Variants in FEM1A observed in about 807,000 individuals in gnomAD.
FEM1A encodes fem-1 homolog A, also known as protein fem-1 homolog A.
Under a neutral mutation model 0.7 loss-of-function variants are expected in FEM1A, and 1 was observed. The ratio of observed to expected loss-of-function variants is 1.35; its 90% CI spans 0.48 to 6.40. The LOEUF (loss-of-function observed/expected upper bound fraction) is 6.40. Among genes scored for constraint, FEM1A ranks in the 30% most tolerant of loss-of-function variants. FEM1A has a pLI of 0.14. For synonymous variants in FEM1A, 391 were observed against 420.6 expected (o/e 0.93, Z 0.86); for missense variants, 721 against 918.7 (o/e 0.78, Z 2.78).
rs894500643 is a variant in FEM1A, at chr19:4,796,239, T to C, written c.*2375T>C. The stretch of plus-strand genomic sequence containing the variant: ...TGGAGTCTTGCTCTGTCACCCAGGC[T>C]GGAGTGCAGTGACGCCATCTCGGCT... On this transcript the variant is annotated 3_prime_UTR_variant, in exon 1 of 1. Coordinates refer to ENST00000269856, the MANE Select transcript of FEM1A (RefSeq NM_018708.3). The C allele has an allele frequency of 2.7e-5, 4 of 149,240 alleles. No individual in the cohort carries two copies. Among genetic ancestry groups the C allele is most frequent in the African/African-American group, 1.0e-4 (4 of 39,874 alleles). The allele number at this position is 149,240 out of a possible 1,614,324, so 9.2% of individuals were successfully genotyped here.
chr19:4,792,349 C>A lies in FEM1A; in HGVS notation c.495C>A (p.Ile165=). The part of the protein sequence containing the change: ...MISCYKGHRE[I]ARYLLEQGAQ... ...CGTGCTACAAGGGCCACCGTGAGAT[C>A]GCCCGCTACCTGCTGGAGCAGGGCG... Residue 165 remains isoleucine (I), a synonymous_variant, in exon 1 of 1, where the codon ATC becomes ATA. Coordinates refer to ENST00000269856, the MANE Select transcript of FEM1A (RefSeq NM_018708.3). This position sits in a 1 kb window ranked among gnomAD's most constrained non-coding sequence, Gnocchi z 6.7. 1 of 1,594,622 alleles carries A rather than the reference C, an allele frequency of 6.3e-7. No homozygotes were observed. Among genetic ancestry groups the A allele is most frequent in the South Asian group, 1.1e-5 (1 of 90,864 alleles).
Position 4,800,856 on chromosome 19 carries a change from G to C in FEM1A, c.*6992G>C, listed in dbSNP as rs766270575. On this transcript the variant is annotated 3_prime_UTR_variant, in exon 1 of 1. Coordinates refer to ENST00000269856, the MANE Select transcript of FEM1A (RefSeq NM_018708.3). ...ATGACCCACCAGGGACATTGAATCC[G>C]TGTCCCGAGAGGGGTGGGGCGGGGG... 6.6e-6 allele frequency: 1 copy of C among 152,190 alleles called. No homozygotes were observed. The highest frequency in any genetic ancestry group is 1.5e-5 in the Non-Finnish European group (1 of 68,050). The allele number at this position is 152,190 out of a possible 1,614,324, so 9.4% of individuals were successfully genotyped here. A position where few individuals can be genotyped will look rare whatever the true frequency, so the allele number is the denominator to read the frequency against.
Position 4,792,612 on chromosome 19 carries a change from T to A in FEM1A, c.758T>A (p.Leu253Gln). 4 of 1,611,346 alleles carry A rather than the reference T, an allele frequency of 2.5e-6. No homozygotes were observed. The highest frequency in any genetic ancestry group is 3.4e-6 in the Non-Finnish European group (4 of 1,179,702). ...GCAGGGGGAGAGGCTCAGCCTGGGC[T>A]GCCCCAAGAAGACCCCTCCACCAGC... is the stretch of plus-strand genomic sequence containing the variant. ...QVAGGEAQPG[L>Q]PQEDPSTSQG... is the part of the protein sequence containing the mutation. The change falls in exon 1 of 1, where the codon CTG (leucine) becomes CAG (glutamine). Residue 253 changes from leucine (L) to glutamine (Q), a missense_variant. Transcript: ENST00000269856. The surrounding 1 kb of genome is among the most constrained non-coding windows in gnomAD (Gnocchi z 6.7).
rs1429642004 is a variant in FEM1A, at chr19:4,800,328, C to T, written c.*6464C>T. ...CAGCCCGGAAGCATCGGGGTCAAAGCTTAACCCCCTGCTGGAAGGTGTCGA... is the reference window on the plus strand; with the variant it reads ...CAGCCCGGAAGCATCGGGGTCAAAGTTTAACCCCCTGCTGGAAGGTGTCGA... On this transcript the variant is annotated 3_prime_UTR_variant, in exon 1 of 1. Coordinates refer to ENST00000269856, the MANE Select transcript of FEM1A (RefSeq NM_018708.3). The T allele has an allele frequency of 6.6e-6, 1 of 152,246 alleles. No individual in the cohort carries two copies. The highest frequency in any genetic ancestry group is 1.5e-5 in the Non-Finnish European group (1 of 68,102). The allele number at this position is 152,246 out of a possible 1,614,324, so 9.4% of individuals were successfully genotyped here. A position where few individuals can be genotyped will look rare whatever the true frequency, so the allele number is the denominator to read the frequency against.
In FEM1A at chr19:4,792,775, G is replaced by A; in HGVS notation, c.921G>A (p.Thr307=). 2 of 1,612,172 alleles carry A rather than the reference G, an allele frequency of 1.2e-6. No individual in the cohort carries two copies. Among genetic ancestry groups the A allele is most frequent in the Non-Finnish European group, 1.7e-6 (2 of 1,179,978 alleles). ...AVEALELLGA[T]YVDKKRDLLG... The stretch of plus-strand genomic sequence containing the variant: ...AAGCCTTGGAATTGCTGGGAGCTAC[G>A]TATGTGGATAAGAAACGAGATCTGC... The change falls in exon 1 of 1, where the codon ACG becomes ACA. Residue 307 remains threonine (T), a synonymous_variant. Transcript: ENST00000269856. The surrounding 1 kb of genome is among the most constrained non-coding windows in gnomAD (Gnocchi z 6.7).
chr19:4,794,451 A>G lies in FEM1A; in HGVS notation c.*587A>G, dbSNP rs909804506. On this transcript the variant is annotated 3_prime_UTR_variant, in exon 1 of 1. Coordinates refer to ENST00000269856, the MANE Select transcript of FEM1A (RefSeq NM_018708.3). ...CTGCCCAGGGCAGCCTGCCACTTGC[A>G]TAGCTTTCGGTTGGTTTGGTGTTCT... 6.0e-6 allele frequency: 1 copy of G among 167,588 alleles called. No individual in the cohort carries two copies. Among genetic ancestry groups the G allele is most frequent in the African/African-American group, 2.4e-5 (1 of 41,418 alleles). 10.4% of individuals were successfully genotyped at this position (167,588 alleles called of 1,614,324 possible).
In FEM1A at chr19:4,792,876, C is replaced by T; in HGVS notation, c.1022C>T (p.Pro341Leu). The change falls in exon 1 of 1, where the codon CCC (proline) becomes CTC (leucine). Residue 341 changes from proline to leucine, a missense_variant. This residue lies in a region of FEM1A where 379 missense variants were observed against 454.8 expected (regional missense o/e 0.83). Transcript: ENST00000269856. This position sits in a 1 kb window ranked among gnomAD's most constrained non-coding sequence, Gnocchi z 6.7. Reference protein sequence around the residue: ...QGGEYLPKPEPPQLVLAYDYS... With the variant: ...QGGEYLPKPELPQLVLAYDYS... ...GGCGAGTACCTGCCCAAACCGGAGC[C>T]CCCACAGCTGGTCCTGGCCTATGAC... 6.2e-7 allele frequency: 1 copy of T among 1,612,302 alleles called. No homozygotes were observed. Among genetic ancestry groups the T allele is most frequent in the Non-Finnish European group, 8.5e-7 (1 of 1,180,004 alleles).
At position 4,797,381 on chromosome 19, in the gene FEM1A, T is replaced by A. The variant is rs1255376090; in HGVS notation, c.*3517T>A. ...TTTCACCGTGTTAGGATAGTCTTGA[T>A]CTCCTGACCTCATGATCCGCCCACC... On this transcript the variant is annotated 3_prime_UTR_variant, in exon 1 of 1. Coordinates refer to ENST00000269856, the MANE Select transcript of FEM1A (RefSeq NM_018708.3). 1 of 151,638 alleles carries A rather than the reference T, an allele frequency of 6.6e-6. No homozygotes were observed. The allele number at this position is 151,638 out of a possible 1,614,324, so 9.4% of individuals were successfully genotyped here. A position where few individuals can be genotyped will look rare whatever the true frequency, so the allele number is the denominator to read the frequency against.
rs185788401 is a variant in FEM1A at position 4,794,506 on chromosome 19, C to T, written c.*642C>T. On this transcript the variant is annotated 3_prime_UTR_variant, in exon 1 of 1. Coordinates refer to ENST00000269856, the MANE Select transcript of FEM1A (RefSeq NM_018708.3). ...ATTTAATAAGTGGGCAGGTTGCAAG[C>T]GTTGCACAGAAATTCTGAGATTTTA... 532 of 164,972 alleles carry T rather than the reference C, an allele frequency of 3.2e-3. 7 individuals carry two copies. Among genetic ancestry groups the T allele is most frequent in the Non-Finnish European group, 6.8e-4 (46 of 67,874 alleles). 10.2% of individuals were successfully genotyped at this position (164,972 alleles called of 1,614,324 possible).
chr19:4,798,172 G>T lies in FEM1A; in HGVS notation c.*4308G>T, dbSNP rs188933408. The T allele has an allele frequency of 6.6e-6, 1 of 151,750 alleles. No homozygotes were observed. Among genetic ancestry groups the T allele is most frequent in the African/African-American group, 2.4e-5 (1 of 41,394 alleles). 9.4% of individuals were successfully genotyped at this position (151,750 alleles called of 1,614,324 possible). On this transcript the variant is annotated 3_prime_UTR_variant, in exon 1 of 1. Coordinates refer to ENST00000269856, the MANE Select transcript of FEM1A (RefSeq NM_018708.3). ...GGCGTGAACCCGGGAGGCGGAGCTTGCAGTGAGCCGAGATCGCACCACTGC... is the reference window on the plus strand; with the variant it reads ...GGCGTGAACCCGGGAGGCGGAGCTTTCAGTGAGCCGAGATCGCACCACTGC...
Position 4,793,925 on chromosome 19 carries a change from G to T in FEM1A, c.*61G>T. The T allele has an allele frequency of 6.6e-7, 1 of 1,508,486 alleles. No individual in the cohort carries two copies. The highest frequency in any genetic ancestry group is 1.2e-5 in the South Asian group (1 of 80,382). 93.4% of individuals were successfully genotyped at this position (1,508,486 alleles called of 1,614,324 possible). A position where few individuals can be genotyped will look rare whatever the true frequency, so the allele number is the denominator to read the frequency against. The stretch of plus-strand genomic sequence containing the variant: ...CTCCTGCTGAGATGGGGGAAATCCG[G>T]CTGCGGCATAGCAGATGCTCGTTCT... On this transcript the variant is annotated 3_prime_UTR_variant, in exon 1 of 1. Coordinates refer to ENST00000269856, the MANE Select transcript of FEM1A (RefSeq NM_018708.3). The surrounding 1 kb of genome is among the most constrained non-coding windows in gnomAD (Gnocchi z 5.1).
At position 4,800,691 on chromosome 19, in the gene FEM1A, A is replaced by T. The variant is rs929478881; in HGVS notation, c.*6827A>T. 1 of 152,362 alleles carries T rather than the reference A, an allele frequency of 6.6e-6. No individual in the cohort carries two copies. Among genetic ancestry groups the T allele is most frequent in the East Asian group, 1.9e-4 (1 of 5,202 alleles). The allele number at this position is 152,362 out of a possible 1,614,324, so 9.4% of individuals were successfully genotyped here. The stretch of plus-strand genomic sequence containing the variant: ...CAGCAGGGGACACAAGCAGGCCCCT[A>T]TGGCTTTGCCAGACCCCGGGTGCCG... On this transcript the variant is annotated 3_prime_UTR_variant, in exon 1 of 1. Coordinates refer to ENST00000269856, the MANE Select transcript of FEM1A (RefSeq NM_018708.3).
chr19:4,793,131 C>T lies in FEM1A; in HGVS notation c.1277C>T (p.Pro426Leu), dbSNP rs2093556658. Residue 426 changes from proline (P) to leucine (L), a missense_variant, in exon 1 of 1, where the codon CCT (proline) becomes CTT (leucine). By Grantham distance (98) the Pro-to-Leu change is moderately conservative. Transcript: ENST00000269856. This position sits in a 1 kb window ranked among gnomAD's most constrained non-coding sequence, Gnocchi z 5.1. ...ALDMQQSNLE[P>L]LSPMTASSFL... ...GACATGCAACAGAGCAACCTGGAGC[C>T]TCTGAGCCCCATGACCGCCAGCAGC... is the stretch of plus-strand genomic sequence containing the variant. The T allele has an allele frequency of 1.2e-6, 2 of 1,613,422 alleles. No individual in the cohort carries two copies. Among genetic ancestry groups the T allele is most frequent in the Non-Finnish European group, 1.7e-6 (2 of 1,180,038 alleles).
rs756549602 is a variant in FEM1A, at chr19:4,792,497, G to A, written c.643G>A (p.Gly215Ser). ...GGCCCGCATGGAACGTGACGGCTAC[G>A]GCATGACCCCGCTGCTCGCGGCCAG... ...CKARMERDGY[G>S]MTPLLAASVT... The change falls in exon 1 of 1, where the codon GGC (glycine) becomes AGC (serine). Residue 215 changes from glycine to serine, a missense_variant. Gly to Ser is a moderately conservative substitution (Grantham distance 56). Transcript: ENST00000269856. This position sits in a 1 kb window ranked among gnomAD's most constrained non-coding sequence, Gnocchi z 6.7. 9 of 1,597,912 alleles carry A rather than the reference G, an allele frequency of 5.6e-6. No homozygotes were observed. The highest frequency in any genetic ancestry group is 2.0e-4 in the Middle Eastern group (1 of 4,948).
In FEM1A at chr19:4,800,232, G is replaced by C. The variant is rs564927869; in HGVS notation, c.*6368G>C. The stretch of plus-strand genomic sequence containing the variant: ...CATCTTAAAGCTCTACCAGCTTCAG[G>C]TGAGGGCTGATCCAGCAGATCCCAG... On this transcript the variant is annotated 3_prime_UTR_variant, in exon 1 of 1. Transcript: ENST00000269856. The C allele has an allele frequency of 6.6e-6, 1 of 152,552 alleles. No homozygotes were observed. The highest frequency in any genetic ancestry group is 1.9e-4 in the East Asian group (1 of 5,194). The allele number at this position is 152,552 out of a possible 1,614,324, so 9.4% of individuals were successfully genotyped here.
rs116817916 is a variant in FEM1A, at chr19:4,794,835, A to T, written c.*971A>T. 0.016 allele frequency: 2,643 copies of T among 167,010 alleles called. 82 individuals are homozygous for T. Among genetic ancestry groups the T allele is most frequent in the African/African-American group, 0.061 (2,533 of 41,544 alleles). 10.3% of individuals were successfully genotyped at this position (167,010 alleles called of 1,614,324 possible). On this transcript the variant is annotated 3_prime_UTR_variant, in exon 1 of 1. Coordinates refer to ENST00000269856, the MANE Select transcript of FEM1A (RefSeq NM_018708.3). ...AAACAGAAATCAGGAGTGACCACAA[A>T]GCCTGAAAACACTTTGCCACCCAGC...
chr19:4,794,990 C>A lies in FEM1A; in HGVS notation c.*1126C>A, dbSNP rs2093559464. ...CCACAGGTGGCCCGAGCTGTTCTTT[C>A]AGCTGCTCCAAGGATTGAGACCCAA... On this transcript the variant is annotated 3_prime_UTR_variant, in exon 1 of 1. Transcript: ENST00000269856. 2.4e-5 allele frequency: 4 copies of A among 167,046 alleles called. No homozygotes were observed. In the Admixed American group the frequency reaches 2.6e-4, roughly 11 times the overall value. The allele number at this position is 167,046 out of a possible 1,614,324, so 10.3% of individuals were successfully genotyped here. A position where few individuals can be genotyped will look rare whatever the true frequency, so the allele number is the denominator to read the frequency against.
Position 4,795,177 on chromosome 19 carries a change from A to AT in FEM1A, c.*1318dup, listed in dbSNP as rs146485171. On this transcript the variant is annotated 3_prime_UTR_variant, in exon 1 of 1. Transcript: ENST00000269856. ...CTGCCAGAGGACCTGCCCCAGCAAGATTTTTGTCAAGAGCGAGACTCCATC... is the reference window on the plus strand; with the variant it reads ...CTGCCAGAGGACCTGCCCCAGCAAGATTTTTTGTCAAGAGCGAGACTCCATC... 0.035 allele frequency: 5,776 copies of AT among 166,982 alleles called. 321 individuals are homozygous for AT. The highest frequency in any genetic ancestry group is 0.12 in the African/African-American group (5,110 of 41,444). The allele number at this position is 166,982 out of a possible 1,614,324, so 10.3% of individuals were successfully genotyped here.
Position 4,793,399 on chromosome 19 carries a change from G to A in FEM1A, c.1545G>A (p.Glu515=), listed in dbSNP as rs781434641. 3.7e-6 allele frequency: 6 copies of A among 1,612,170 alleles called. No homozygotes were observed. Among genetic ancestry groups the A allele is most frequent in the Non-Finnish European group, 4.2e-6 (5 of 1,179,848 alleles). ...AAGTGGAGTGCACCCCCAGCCAGGAGCACCTGAAGCACCAGACCGTCTACC... is the reference window on the plus strand; with the variant it reads ...AAGTGGAGTGCACCCCCAGCCAGGAACACCTGAAGCACCAGACCGTCTACC... The part of the protein sequence containing the change: ...LEKVECTPSQ[E]HLKHQTVYRL... Residue 515 remains glutamate (E), a synonymous_variant, in exon 1 of 1, where the codon GAG becomes GAA. Coordinates refer to ENST00000269856, the MANE Select transcript of FEM1A (RefSeq NM_018708.3). This position sits in a 1 kb window ranked among gnomAD's most constrained non-coding sequence, Gnocchi z 5.1.
Sources: allele counts gnomAD v4.1 joint callset, GRCh38; gene constraint gnomAD v4.1.1; regional missense constraint gnomAD v4.1.1; non-coding constraint Gnocchi (gnomAD v3.1); transcripts MANE v1.5; gene names NCBI Gene and HGNC (gene_info 2026-07-23, HGNC 2026-07-21).